The following PCDHA1 variants were observed in gnomAD, a reference collection of about 807,000 sequenced individuals.
PCDHA1 encodes protocadherin alpha 1.
PCDHA1 carries 42 observed loss-of-function variants against 61.3 expected under a neutral mutation model. The ratio of observed to expected loss-of-function variants is 0.69; its 90% confidence interval spans 0.54 to 0.89. PCDHA1 has a LOEUF of 0.89. PCDHA1 is among the 40% of genes least tolerant of loss of function. The pLI is 0.00. For missense variants in PCDHA1, 1,256 were observed against 1,235.3 expected (o/e 1.02, Z -0.25); for synonymous variants, 610 against 553.8 (o/e 1.10, Z -1.43).
rs978894087 is a variant in PCDHA1, at chr5:140,805,287, G to A, written c.2394+16603G>A. 2.4e-6 allele frequency: 3 copies of A among 1,272,152 alleles called. No individual in the cohort carries two copies. The African/African-American group carries it at 4.6e-5, about 20-fold the overall frequency. 78.8% of individuals were successfully genotyped at this position (1,272,152 alleles called of 1,614,324 possible). A position where few individuals can be genotyped will look rare whatever the true frequency, so the allele number is the denominator to read the frequency against. Reference sequence around the variant, plus strand: ...AATGAAAATATTACAAATGAAATGGGTGAAAATGGAATTCTTCCTCCTTTT... The same window carrying A: ...AATGAAAATATTACAAATGAAATGGATGAAAATGGAATTCTTCCTCCTTTT... On this transcript the variant is annotated intron_variant, in intron 1 of 3. Coordinates refer to ENST00000504120, the MANE Select transcript of PCDHA1 (RefSeq NM_018900.4).
At chr5:140,867,314 G>A (rs2049881742) in intron 1 of PCDHA1, 1 of 151,958 alleles carries the variant, frequency 6.6e-6, no homozygotes, top group Admixed American at 6.6e-5. Flanking sequence ...ACTGTCATCT[G>A]GTCTAATGTT....
chr5:140,855,468 T>C (rs1160317208), intron 1 of PCDHA1, among the ~76,000 whole-genome samples: 1 of 149,888 alleles, frequency 6.7e-6, no homozygotes, highest in Non-Finnish European at 1.5e-5. Context: ...TCACAGATAG[T>C]TGATGCTTGA....
rs377133743 is a variant in PCDHA1 at position 140,875,740 on chromosome 5, A to C, written c.2394+87056A>C. The C allele has an allele frequency of 2.1e-4, 339 of 1,614,222 alleles. No individual in the cohort carries two copies. The African/African-American group carries it at 4.0e-3, about 19-fold the overall frequency. On this transcript the variant is annotated intron_variant, in intron 1 of 3. Coordinates refer to ENST00000504120, the MANE Select transcript of PCDHA1 (RefSeq NM_018900.4). ...TGGCATTTTGTTTGTGAATTCTCGG[A>C]TCGACCGCGAGAAGCTGTGCGGGCG...
chr5:140,837,989 C>T (rs1167865074), intron 1 of PCDHA1, among the ~76,000 whole-genome samples: 3 of 151,358 alleles, frequency 2.0e-5, no homozygotes, highest in Non-Finnish European at 4.4e-5. Context: ...TGCCTTTCAT[C>T]TTTCCTTTTT....
intron 1 of PCDHA1, among the ~76,000 whole-genome samples, chr5:140,970,662 C>T (rs575204326): frequency 6.6e-6 from 1 of 152,268 alleles, no homozygotes; most frequent in South Asian, 2.1e-4. Flanking sequence ...TGTTATCTTT[C>T]CAAATAACTA....
intron 1 of PCDHA1, chr5:140,830,263 G>T: frequency 6.2e-7 from 1 of 1,613,640 alleles, no homozygotes; most frequent in African/African-American, 1.3e-5. Flanking sequence ...TGCGGTGCTC[G>T]GCGCCACCCA....
intron 1 of PCDHA1, chr5:140,841,417 C>G (rs2150314997): frequency 2.5e-6 from 4 of 1,613,050 alleles, no homozygotes; most frequent in Non-Finnish European, 3.4e-6. Flanking sequence ...GCCAGCTCCA[C>G]TACTCCGTCC....
intron 1 of PCDHA1, chr5:140,807,028 G>T (rs1204723671): frequency 2.3e-6 from 2 of 876,818 alleles, no homozygotes; most frequent in African/African-American, 1.7e-5. Context: ...AGAGAAGGAG[G>T]AAGAAGGGAA....
chr5:141,008,265 G>C (rs748504708), intron 3 of PCDHA1, among the ~76,000 whole-genome samples: 4 of 152,200 alleles, frequency 2.6e-5, no homozygotes, highest in Admixed American at 6.5e-5. Flanking sequence ...AGACTGAGAA[G>C]TAATAGGAAA....
intron 1 of PCDHA1, chr5:140,852,445 T>G (rs1294912184): frequency 5.4e-6 from 1 of 184,644 alleles, no homozygotes; most frequent in Admixed American, 6.7e-5. Flanking sequence ...GCCCAGCTAA[T>G]TTTTGTATTT....
chr5:140,823,025 T>G, intron 1 of PCDHA1: 1 of 1,614,218 alleles, frequency 6.2e-7, no homozygotes, highest in Non-Finnish European at 8.5e-7. Flanking sequence ...CGCGAGAGCG[T>G]GTCGGTCTAT....
chr5:140,802,486 G>C (rs371780452), intron 1 of PCDHA1: 5 of 1,614,048 alleles, frequency 3.1e-6, no homozygotes, highest in South Asian at 1.1e-5. Context: ...GCTCGGGACG[G>C]GGGCTCGCCT....
intron 1 of PCDHA1, chr5:140,829,278 A>G: frequency 6.2e-7 from 1 of 1,614,236 alleles, no homozygotes; most frequent in Non-Finnish European, 8.5e-7. Flanking sequence ...GTCCCTTTCA[A>G]GCTGGTGTCC....
At chr5:140,902,895 T>C (rs1554190698) in intron 1 of PCDHA1, among the ~76,000 whole-genome samples, 1 of 152,222 alleles carries the variant, frequency 6.6e-6, no homozygotes, top group Non-Finnish European at 1.5e-5. Flanking sequence ...TATTATTTTA[T>C]TTAGTTTATG....
At chr5:140,808,728 G>A (rs559957887) in intron 1 of PCDHA1, 1 of 1,612,192 alleles carries the variant, frequency 6.2e-7, no homozygotes, top group East Asian at 2.2e-5. Context: ...CATGCGGAGA[G>A]CGGCAAGGTG....
intron 1 of PCDHA1, chr5:140,966,778 G>A: frequency 6.6e-7 from 1 of 1,512,496 alleles, no homozygotes; most frequent in Non-Finnish European, 8.8e-7. Flanking sequence ...TGGAGCAGGC[G>A]GGCACCAGAC....
At chr5:140,909,560 C>A (rs2074577216) in intron 1 of PCDHA1, among the ~76,000 whole-genome samples, 1 of 152,284 alleles carries the variant, frequency 6.6e-6, no homozygotes, top group Middle Eastern at 3.4e-3. Flanking sequence ...ATCTCTGCAA[C>A]CCATCCAGAG....
intron 1 of PCDHA1, among the ~76,000 whole-genome samples, chr5:140,890,240 A>C (rs1554184230): frequency 6.6e-6 from 1 of 152,138 alleles, no homozygotes; most frequent in African/African-American, 2.4e-5. Flanking sequence ...AGCATTTACC[A>C]GTACACTACT....
intron 1 of PCDHA1, chr5:140,809,254 C>G: frequency 1.2e-6 from 2 of 1,614,064 alleles, no homozygotes; most frequent in Non-Finnish European, 1.7e-6. Flanking sequence ...CTGTGGGTCC[C>G]GATGCTGCGC....
Sources: allele counts gnomAD v4.1 joint callset (sites outside exome capture counted in the v4.1 genomes callset), GRCh38; gene constraint gnomAD v4.1.1; transcripts MANE v1.5; gene names NCBI Gene and HGNC (gene_info 2026-07-23, HGNC 2026-07-21).